Variants in PSD4 observed in about 807,000 individuals in gnomAD.
The protein encoded by PSD4 is pleckstrin and Sec7 domain containing 4.
In PSD4, 59 loss-of-function variants were observed where a neutral mutation model predicts 112.5. The observed-to-expected ratio is 0.52, with a 90% CI of 0.43 to 0.65. The LOEUF is 0.65. Among genes scored for constraint, PSD4 ranks in the 30% least tolerant of loss-of-function variants. The pLI is 0.00. For synonymous variants in PSD4, 533 were observed against 540.0 expected, an observed-to-expected ratio of 0.99 and a Z score of 0.18; for missense variants, 1,267 against 1,352.6, an observed-to-expected ratio of 0.94 and a Z score of 0.99.
chr2:113,181,002 G>A (rs901230915), intron 1 of PSD4, among the ~76,000 whole-genome samples: 15 of 151,614 alleles, frequency 9.9e-5, no homozygotes, highest in African/African-American at 3.6e-4. Flanking sequence ...CAGATCACTT[G>A]AGGTCAGGAG....
intron 1 of PSD4, among the ~76,000 whole-genome samples, chr2:113,179,821 G>A (rs764290496): frequency 4.6e-5 from 7 of 152,164 alleles, no homozygotes; most frequent in Non-Finnish European, 1.0e-4. Context: ...AGCCTGTTGG[G>A]GAGGCTGCCT....
chr2:113,197,718 C>G, intron 13 of PSD4, 29 bp from the exon 14 acceptor site: 1 of 1,608,542 alleles, frequency 6.2e-7, no homozygotes, highest in Non-Finnish European at 8.5e-7. Flanking sequence ...CTGATGATAA[C>G]CTCTTCTCTG....
intron 4 of PSD4, 114 bp from the exon 5 acceptor site, chr2:113,185,763 G>C: frequency 6.5e-7 from 1 of 1,550,298 alleles, no homozygotes; most frequent in Non-Finnish European, 8.7e-7. Flanking sequence ...GGAGGACAGG[G>C]CATGCTGCCA....
chr2:113,184,661 G>A (rs1298121094), intron 2 of PSD4, among the ~76,000 whole-genome samples: 4 of 152,090 alleles, frequency 2.6e-5, no homozygotes, highest in Non-Finnish European at 5.9e-5. Context: ...GAGCCACTGC[G>A]CCCGCCATGG....
rs1188042343 is a variant in PSD4, at chr2:113,208,593, C to G, written c.*7178C>G. ...CTTTGCCTCACAATCAGGGTAGAAGCCTCTGGTTTTCTTATTTCTTTGTCC... is the reference window on the plus strand; with the variant it reads ...CTTTGCCTCACAATCAGGGTAGAAGGCTCTGGTTTTCTTATTTCTTTGTCC... On this transcript the variant is annotated 3_prime_UTR_variant, in exon 17 of 17. Transcript: ENST00000245796. 1 of 152,182 alleles carries G rather than the reference C, an allele frequency of 6.6e-6. No homozygotes were observed. Among genetic ancestry groups the G allele is most frequent in the African/African-American group, 2.4e-5 (1 of 41,420 alleles). The allele number at this position is 152,182 out of a possible 1,614,324, so 9.4% of individuals were successfully genotyped here.
In PSD4 at chr2:113,186,186, G is replaced by A. The variant is rs199962391; in HGVS notation, c.1559G>A (p.Ser520Asn). 64 of 1,613,992 alleles carry A rather than the reference G, an allele frequency of 4.0e-5. 1 individual carries two copies. In the East Asian group the frequency reaches 1.3e-3, roughly 32 times the overall value. Residue 520 changes from serine to asparagine, a missense_variant, in exon 5 of 17, where the codon AGT (serine) becomes AAT (asparagine). This residue lies in a region of PSD4 where 723 missense variants were observed against 704.0 expected (regional missense o/e 1.03). Transcript: ENST00000245796. ...CCAAAACCAGGCGAGGAAGTAAAGA[G>A]TGAAGGAACAGCCAGGCCTGCAGAG... ...EAPKPGEEVK[S>N]EGTARPAETG... is the part of the protein sequence containing the mutation.
chr2:113,180,381 GCT>G (rs888718206), intron 1 of PSD4, among the ~76,000 whole-genome samples: 2 of 152,226 alleles, frequency 1.3e-5, no homozygotes, highest in Non-Finnish European at 2.9e-5. Flanking sequence ...GTTCTCTAGT[GCT>G]GGGCAGGGAG....
At position 113,182,461 on chromosome 2, in the gene PSD4, T is replaced by G; in HGVS notation, c.5T>G (p.Met2Arg). The G allele has an allele frequency of 3.1e-6, 5 of 1,605,652 alleles. No homozygotes were observed. The highest frequency in any genetic ancestry group is 3.4e-6 in the Non-Finnish European group (4 of 1,174,466). Residue 2 changes from methionine to arginine, a missense_variant, in exon 2 of 17, where the codon ATG becomes AGG. This residue lies in a region of PSD4 where 723 missense variants were observed against 704.0 expected (regional missense o/e 1.03). Coordinates refer to ENST00000245796, the MANE Select transcript of PSD4 (RefSeq NM_012455.3). ...TGGGCAGCTTTTGCTCAGTGGATGA[T>G]GGGTGACTACAGACTCCCTGACCAC... is the stretch of plus-strand genomic sequence containing the variant. MMGDYRLPDHPQ... is the reference protein window; with the variant it reads MRGDYRLPDHPQ...
intron 5 of PSD4, among the ~76,000 whole-genome samples, chr2:113,187,780 C>T (rs906263963): frequency 6.6e-6 from 1 of 152,276 alleles, no homozygotes; most frequent in East Asian, 1.9e-4. Flanking sequence ...AGACGAATAA[C>T]ATTAGGTTTC....
chr2:113,188,089 A>G lies in PSD4; in HGVS notation c.1628+1834A>G, dbSNP rs538499196. Reference sequence around the variant, plus strand: ...AAAGAATAAATTGTCACATCTAAAGAGAATTACTCGAAAAATCAACTGACG... The same window carrying G: ...AAAGAATAAATTGTCACATCTAAAGGGAATTACTCGAAAAATCAACTGACG... On this transcript the variant is annotated intron_variant, in intron 5 of 16. Coordinates refer to ENST00000245796, the MANE Select transcript of PSD4 (RefSeq NM_012455.3). 2.6e-5 allele frequency among the ~76,000 whole-genome samples: 4 copies of G among 152,316 alleles called. No homozygotes were observed. In the South Asian group the frequency reaches 8.3e-4, roughly 32 times the overall value.
In PSD4 at chr2:113,203,427, A is replaced by G. The variant is rs1688818353; in HGVS notation, c.*2012A>G. On this transcript the variant is annotated 3_prime_UTR_variant, in exon 17 of 17. Coordinates refer to ENST00000245796, the MANE Select transcript of PSD4 (RefSeq NM_012455.3). Reference sequence around the variant, plus strand: ...TGTGTAAGTAGCAGTTAGCTGCAGTAGAGTCCAATTGCCTCATTTGATTGA... The same window carrying G: ...TGTGTAAGTAGCAGTTAGCTGCAGTGGAGTCCAATTGCCTCATTTGATTGA... 1 of 152,204 alleles carries G rather than the reference A, an allele frequency of 6.6e-6. No homozygotes were observed. The highest frequency in any genetic ancestry group is 2.4e-5 in the African/African-American group (1 of 41,428). 9.4% of individuals were successfully genotyped at this position (152,204 alleles called of 1,614,324 possible).
chr2:113,195,524 C>T (rs1291647754), intron 10 of PSD4, among the ~76,000 whole-genome samples: 1 of 149,272 alleles, frequency 6.7e-6, no homozygotes, highest in Non-Finnish European at 1.5e-5. Flanking sequence ...TCCAGAAATA[C>T]TTTGTTGCAC....
At position 113,183,477 on chromosome 2, in the gene PSD4, G is replaced by A. The variant is rs781468327; in HGVS notation, c.1021G>A (p.Ala341Thr). 6.3e-7 allele frequency: 1 copy of A among 1,589,260 alleles called. No homozygotes were observed. The highest frequency in any genetic ancestry group is 1.2e-5 in the South Asian group (1 of 86,600). Residue 341 changes from alanine to threonine, a missense_variant, in exon 2 of 17, where the codon GCT becomes ACT. Physicochemically the swap from Ala to Thr is moderately conservative, Grantham distance 58. Around this residue, in one of 2 missense-constraint regions of PSD4, gnomAD observed 723 missense variants for 704.0 expected, o/e 1.03. Coordinates refer to ENST00000245796, the MANE Select transcript of PSD4 (RefSeq NM_012455.3). The stretch of plus-strand genomic sequence containing the variant: ...GGCCTCAGTGGCTGCCGCTGAGGGG[G>A]CTCCTGCAGCACCTCCTGGTCACGG... ...CWASVAAAEG[A>T]PAAPPGHGES...
chr2:113,192,972 C>A, intron 6 of PSD4, 76 bp from the exon 7 acceptor site: 2 of 1,443,406 alleles, frequency 1.4e-6, no homozygotes, highest in South Asian at 1.2e-5. Context: ...TGTGTGCAGG[C>A]CCTGGGGGCC....
chr2:113,196,366 C>G, intron 12 of PSD4, 59 bp downstream of exon 12: 2 of 1,556,354 alleles, frequency 1.3e-6, no homozygotes, highest in South Asian at 2.4e-5. Flanking sequence ...GCTCAGGGAC[C>G]TGTGCCGATG....
intron 2 of PSD4, 93 bp downstream of exon 2, chr2:113,183,605 C>G: frequency 8.1e-7 from 1 of 1,235,788 alleles, no homozygotes; most frequent in Non-Finnish European, 1.1e-6. Context: ...ACATTCTTTT[C>G]TGACGCTAAG....
intron 14 of PSD4, 133 bp from the exon 15 acceptor site, chr2:113,198,607 G>T: frequency 9.0e-7 from 1 of 1,113,970 alleles, no homozygotes; most frequent in South Asian, 2.0e-5. Flanking sequence ...CCCGGCTAGT[G>T]GCAGGGCTGT....
intron 12 of PSD4, chr2:113,197,300 A>G (rs1688638743): frequency 5.7e-6 from 3 of 522,318 alleles, no homozygotes; most frequent in South Asian, 4.0e-5. Flanking sequence ...AGAGAAGATG[A>G]TATGTATGAA....
At chr2:113,177,821 A>G (rs1021335125) in intron 1 of PSD4, among the ~76,000 whole-genome samples, 18 of 152,248 alleles carry the variant, frequency 1.2e-4, no homozygotes, top group African/African-American at 4.3e-4. Context: ...TAGGCAAACT[A>G]GAACCACGCG....
Sources: gnomAD v4.1 joint callset for allele counts (sites outside exome capture counted in the v4.1 genomes callset) on GRCh38, gnomAD v4.1.1 for gene constraint, gnomAD v4.1.1 regional missense constraint, MANE v1.5 for transcripts, NCBI Gene and HGNC (gene_info 2026-07-23, HGNC 2026-07-21) for gene names.